The following SLC36A1 variants were observed in gnomAD, a reference collection of about 807,000 sequenced individuals.
The protein encoded by SLC36A1 is proton-coupled amino acid transporter 1.
A neutral mutation model predicts 47.5 loss-of-function variants in SLC36A1; 30 were observed. The ratio of observed to expected loss-of-function variants is 0.63; its 90% confidence interval spans 0.47 to 0.86. The LOEUF (loss-of-function observed/expected upper bound fraction) is 0.86. Among genes scored for constraint, SLC36A1 ranks in the 40% least tolerant of loss-of-function variants. SLC36A1 has a pLI of 0.00. For missense variants in SLC36A1, 517 were observed against 606.0 expected (o/e 0.85, Z 1.54); for synonymous variants, 255 against 249.7 (o/e 1.02, Z -0.20).
chr5:151,400,284 T>C, the SLC36A1 span, among the ~76,000 whole-genome samples: 1 of 152,212 alleles, frequency 6.6e-6, no homozygotes, highest in African/African-American at 2.4e-5. Flanking sequence ...TTGAGTTAAT[T>C]TGCTGAGGAT....
At chr5:151,433,424 C>G (rs2127434187), upstream of SLC36A1, among the ~76,000 whole-genome samples, 1 of 148,164 alleles carries the variant, frequency 6.7e-6, no homozygotes, top group Non-Finnish European at 1.5e-5. Context: ...GCTAGGATTA[C>G]AGGCACCCAC....
chr5:151,482,540 G>GT (rs1293723980), intron 10 of SLC36A1, among the ~76,000 whole-genome samples: 1 of 152,134 alleles, frequency 6.6e-6, no homozygotes, highest in Non-Finnish European at 1.5e-5. Context: ...TATCTTCTGT[G>GT]TCTTAATCCT....
the SLC36A1 span, among the ~76,000 whole-genome samples, chr5:151,547,225 C>T: frequency 6.6e-6 from 1 of 152,190 alleles, no homozygotes; most frequent in Admixed American, 6.5e-5. Flanking sequence ...AAATCTACTG[C>T]TTGCCAAAAG....
the SLC36A1 span, among the ~76,000 whole-genome samples, chr5:151,372,472 C>T: frequency 6.6e-6 from 1 of 151,382 alleles, no homozygotes; most frequent in Admixed American, 6.6e-5. Context: ...GAAACAAGGT[C>T]TCACTTTGTT....
At chr5:151,376,174 G>A in the SLC36A1 span, among the ~76,000 whole-genome samples, 79 of 152,028 alleles carry the variant, frequency 5.2e-4, no homozygotes, top group African/African-American at 1.9e-3. Flanking sequence ...TTCCTTCTTT[G>A]CCTATTCTGT....
chr5:151,503,069 G>A, the SLC36A1 span, among the ~76,000 whole-genome samples: 1 of 148,226 alleles, frequency 6.7e-6, no homozygotes, highest in African/African-American at 2.7e-5. Flanking sequence ...GTTGCCAGGG[G>A]TTAGGGGGCA....
chr5:151,479,419 G>A lies in SLC36A1; in HGVS notation c.1089G>A (p.Val363=), dbSNP rs776303389. The A allele has an allele frequency of 3.7e-6, 6 of 1,614,032 alleles. No individual in the cohort carries two copies. Among genetic ancestry groups the A allele is most frequent in the Non-Finnish European group, 5.1e-6 (6 of 1,180,024 alleles). ...CTGAGATCATCATCCCCTTCTTTGT[G>A]TCCCGAGCGCCCGAGCACTGTGAGT... ...VPAEIIIPFF[V]SRAPEHCELV... Residue 363 remains valine (V), a synonymous_variant, in exon 10 of 11, where the codon GTG becomes GTA. Transcript: ENST00000243389.
intron 2 of SLC36A1, among the ~76,000 whole-genome samples, chr5:151,462,836 A>G (rs1205174079): frequency 6.7e-6 from 1 of 149,834 alleles, no homozygotes; most frequent in Non-Finnish European, 1.5e-5. Flanking sequence ...TTTGTCCGTC[A>G]TTGTTTGGTT....
the SLC36A1 span, chr5:151,532,079 C>A: frequency 7.0e-7 from 1 of 1,423,632 alleles, no homozygotes; most frequent in East Asian, 2.3e-5. Flanking sequence ...CCCATGAAGG[C>A]GGACAAGCTG....
the SLC36A1 span, chr5:151,414,905 C>G: frequency 1.3e-5 from 2 of 152,240 alleles, no homozygotes; most frequent in South Asian, 2.1e-4. Flanking sequence ...CAGATAGAAG[C>G]CTGGCTTGTA....
the SLC36A1 span, among the ~76,000 whole-genome samples, chr5:151,400,301 C>T: frequency 6.6e-6 from 1 of 152,160 alleles, no homozygotes; most frequent in African/African-American, 2.4e-5. Context: ...GGATAATAGC[C>T]TCCAGCTGCA....
the SLC36A1 span, among the ~76,000 whole-genome samples, chr5:151,502,465 C>T: frequency 6.8e-6 from 1 of 147,926 alleles, no homozygotes; most frequent in Non-Finnish European, 1.5e-5. Flanking sequence ...GAAAACAAAC[C>T]AGTTTAAAAA....
chr5:151,485,373 G>C (rs191499780), intron 10 of SLC36A1, among the ~76,000 whole-genome samples: 27 of 152,338 alleles, frequency 1.8e-4, no homozygotes, highest in Admixed American at 4.6e-4. Flanking sequence ...CCCGTTTGCT[G>C]TCAGGCTTTG....
the SLC36A1 span, chr5:151,380,571 G>A: frequency 1.3e-5 from 7 of 544,770 alleles, no homozygotes; most frequent in African/African-American, 3.8e-5. Flanking sequence ...AACTGGACAT[G>A]CGTCTGAATG....
chr5:151,548,885 T>C, the SLC36A1 span, among the ~76,000 whole-genome samples: 1 of 152,216 alleles, frequency 6.6e-6, no homozygotes, highest in Non-Finnish European at 1.5e-5. Flanking sequence ...ACCCATAAAA[T>C]AGATACTAAA....
chr5:151,380,990 A>G, the SLC36A1 span: 2 of 387,172 alleles, frequency 5.2e-6, no homozygotes, highest in Non-Finnish European at 1.0e-5. Context: ...ACCCTATAAC[A>G]GAGGGGCCAG....
chr5:151,391,583 C>T, the SLC36A1 span, among the ~76,000 whole-genome samples: 2 of 152,050 alleles, frequency 1.3e-5, no homozygotes, highest in African/African-American at 4.8e-5. Flanking sequence ...CCCATCAATA[C>T]CGAATTTATT....
chr5:151,380,632 G>A, the SLC36A1 span: 2 of 552,508 alleles, frequency 3.6e-6, no homozygotes, highest in South Asian at 2.8e-5. Context: ...TGTAGATGCA[G>A]TAGTGGCTCA....
chr5:151,530,314 T>C, the SLC36A1 span, among the ~76,000 whole-genome samples: 1 of 150,618 alleles, frequency 6.6e-6, no homozygotes, highest in Non-Finnish European at 1.5e-5. Context: ...CAGCATAGCA[T>C]CATCTGTGAG....
Sources: gnomAD v4.1 joint callset for allele counts (sites outside exome capture counted in the v4.1 genomes callset) on GRCh38, gnomAD v4.1.1 for gene constraint, MANE v1.5 for transcripts, NCBI Gene and HGNC (gene_info 2026-07-23, HGNC 2026-07-21) for gene names.